DNAH2: variants seen among roughly 807,000 people sequenced by gnomAD.
The protein encoded by DNAH2 is dynein axonemal heavy chain 2, also known as axonemal beta dynein heavy chain 2.
Under a neutral mutation model 523.5 loss-of-function variants are expected in DNAH2, and 323 were observed. The observed-to-expected ratio is 0.62, with a 90% confidence interval of 0.56 to 0.68. DNAH2 has a LOEUF of 0.68. DNAH2 is among the 30% of genes least tolerant of loss of function. The pLI, the probability that DNAH2 is intolerant of heterozygous loss-of-function variation, is 0.00. For synonymous variants in DNAH2, 2,093 were observed against 2,177.4 expected (o/e 0.96, Z 1.08); for missense variants, 4,907 against 5,701.5 (o/e 0.86, Z 4.49).
Position 7,823,622 on chromosome 17 carries a change from C to T in DNAH2, c.11323C>T (p.Leu3775=), listed in dbSNP as rs544531266. The T allele has an allele frequency of 1.2e-6, 2 of 1,613,786 alleles. No individual in the cohort carries two copies. Among genetic ancestry groups the T allele is most frequent in the Middle Eastern group, 1.7e-4 (1 of 6,012 alleles). Residue 3775 remains leucine (L), a synonymous_variant, in exon 74 of 86, where the codon CTG becomes TTG. Coordinates refer to ENST00000572933, the MANE Select transcript of DNAH2 (RefSeq NM_020877.5). The part of the protein sequence containing the change: ...YTNAAPEKAM[L]PGEWENACNE... ...CAATGCTGCCCCGGAGAAGGCGATGCTGCCAGGTACCAGGCGTCTGTGTCC... is the reference window on the plus strand; with the variant it reads ...CAATGCTGCCCCGGAGAAGGCGATGTTGCCAGGTACCAGGCGTCTGTGTCC...
chr17:7,763,783 T>G (rs760510009), intron 18 of DNAH2, 48 bp from the exon 19 acceptor site: 1 of 1,608,692 alleles, frequency 6.2e-7, no homozygotes, highest in South Asian at 1.1e-5. Context: ...ACAGAGGGTA[T>G]GTCTGCAAAG....
In DNAH2 at chr17:7,792,863, G is replaced by A. The variant is rs368437059; in HGVS notation, c.7344+8G>A. On this transcript the variant is annotated splice_region_variant and intron_variant, in intron 47 of 85. Coordinates refer to ENST00000572933, the MANE Select transcript of DNAH2 (RefSeq NM_020877.5). ...GTCAACATGTCCGCACAGGTGTGTC[G>A]GGGATCCAGGGGCCAGGCTGCCGGC... is the stretch of plus-strand genomic sequence containing the variant. 18 of 1,608,134 alleles carry A rather than the reference G, an allele frequency of 1.1e-5. No homozygotes were observed. In the Admixed American group the frequency reaches 1.5e-4, roughly 13 times the overall value.
intron 77 of DNAH2, among the ~76,000 whole-genome samples, chr17:7,826,803 G>C (rs983022874): frequency 6.6e-6 from 1 of 151,876 alleles, no homozygotes; most frequent in Non-Finnish European, 1.5e-5. Context: ...GCCTCCCAAA[G>C]TGCTGGGATT....
chr17:7,759,886 T>G lies in DNAH2; in HGVS notation c.2733T>G (p.Pro911=), dbSNP rs756911936. Residue 911 remains proline, a synonymous_variant, in exon 17 of 86, where the codon CCT becomes CCG. Transcript: ENST00000572933. ...CCATCTCTGTCTTCTGCCACCTCCC[T>G]GACATTCTCACCAAGCGCAAGTTAC... ...FSTISVFCHL[P]DILTKRKLHR... 1 of 1,614,204 alleles carries G rather than the reference T, an allele frequency of 6.2e-7. No homozygotes were observed. Among genetic ancestry groups the G allele is most frequent in the South Asian group, 1.1e-5 (1 of 91,092 alleles).
At chr17:7,817,196 G>T in intron 64 of DNAH2, 94 bp from the exon 65 acceptor site, 2 of 1,486,454 alleles carry the variant, frequency 1.3e-6, no homozygotes, top group East Asian at 4.6e-5. Flanking sequence ...CTTTGAACCT[G>T]ACAGTGTCCA....
At chr17:7,820,998 C>T (rs1455432500) in intron 72 of DNAH2, among the ~76,000 whole-genome samples, 1 of 152,034 alleles carries the variant, frequency 6.6e-6, no homozygotes, top group Non-Finnish European at 1.5e-5. Context: ...GAGATCGTAC[C>T]ATGGTACTCC....
At position 7,797,837 on chromosome 17, in the gene DNAH2, C is replaced by T; in HGVS notation, c.8230+8C>T. ...GAGAGGCTATTGAACACAGTGAGCA[C>T]CTGCCACGCCTATCCCCTTCCCCAT... is the stretch of plus-strand genomic sequence containing the variant. On this transcript the variant is annotated splice_region_variant and intron_variant, in intron 53 of 85. Coordinates refer to ENST00000572933, the MANE Select transcript of DNAH2 (RefSeq NM_020877.5). 6.2e-7 allele frequency: 1 copy of T among 1,603,722 alleles called. No individual in the cohort carries two copies.
At position 7,743,617 on chromosome 17, in the gene DNAH2, GAT is replaced by G. The variant is rs1197452060; in HGVS notation, c.1904+476_1904+477del. 137 of 476,746 alleles carry G rather than the reference GAT, an allele frequency of 2.9e-4. 1 individual carries two copies. The highest frequency in any genetic ancestry group is 9.1e-5 in the Non-Finnish European group (24 of 263,866). 29.5% of individuals were successfully genotyped at this position (476,746 alleles called of 1,614,324 possible). A position where few individuals can be genotyped will look rare whatever the true frequency, so the allele number is the denominator to read the frequency against. ...GGAGGCAGAGGCTGCAGTGAGCTGA[GAT>G]CACACCACTACACTCCAGCCTGGGC... On this transcript the variant is annotated intron_variant, in intron 12 of 85. Coordinates refer to ENST00000572933, the MANE Select transcript of DNAH2 (RefSeq NM_020877.5).
chr17:7,742,874 C>CGTAT, intron 11 of DNAH2, 54 bp from the exon 12 acceptor site: 1 of 1,277,862 alleles, frequency 7.8e-7, no homozygotes. Context: ...GAGATGGTGG[C>CGTAT]CCCTGGAGGA....
intron 66 of DNAH2, 39 bp downstream of exon 66, chr17:7,817,748 T>C (rs372146523): frequency 6.2e-7 from 1 of 1,614,060 alleles, no homozygotes; most frequent in Non-Finnish European, 8.5e-7. Flanking sequence ...TACGGGAGCA[T>C]GGGAGAGAGG....
intron 39 of DNAH2, among the ~76,000 whole-genome samples, chr17:7,781,418 T>A (rs1597638633): frequency 6.6e-6 from 1 of 152,198 alleles, no homozygotes; most frequent in African/African-American, 2.4e-5. Flanking sequence ...ATTGAGGCTA[T>A]AATGAGCTGA....
chr17:7,788,708 A>C (rs1358556862), intron 44 of DNAH2, among the ~76,000 whole-genome samples: 1 of 152,224 alleles, frequency 6.6e-6, no homozygotes, highest in Non-Finnish European at 1.5e-5. Context: ...TTTAGAAGTA[A>C]GGACCAAAAT....
intron 48 of DNAH2, among the ~76,000 whole-genome samples, chr17:7,793,460 T>A (rs192795832): frequency 8.9e-6 from 1 of 112,456 alleles, no homozygotes; most frequent in Admixed American, 9.2e-5. Context: ...TCTTTCTTTC[T>A]TTCTTTCTTT....
chr17:7,797,707 A>G lies in DNAH2; in HGVS notation c.8108A>G (p.Tyr2703Cys), dbSNP rs756506359. 6 of 1,614,024 alleles carry G rather than the reference A, an allele frequency of 3.7e-6. No homozygotes were observed. Among genetic ancestry groups the G allele is most frequent in the Non-Finnish European group, 4.2e-6 (5 of 1,180,040 alleles). ...FGDFLKEPKV[Y>C]EDLTDLTVLK... The stretch of plus-strand genomic sequence containing the variant: ...GATTTCCTGAAGGAGCCCAAGGTGT[A>G]TGAAGACCTCACGGATCTGACAGTG... The change falls in exon 53 of 86, where the codon TAT becomes TGT. Residue 2703 changes from tyrosine (Y) to cysteine (C), a missense_variant. By Grantham distance (194) the Tyr-to-Cys change is radical (BLOSUM62 -2). This residue lies in a region of DNAH2 where 250 missense variants were observed against 371.3 expected (regional missense o/e 0.67). Transcript: ENST00000572933.
intron 36 of DNAH2, 140 bp downstream of exon 36, chr17:7,779,563 G>A: frequency 2.0e-6 from 2 of 990,696 alleles, no homozygotes; most frequent in Non-Finnish European, 2.9e-6. Flanking sequence ...GCAAAGGGGA[G>A]AGAAGGATAA....
intron 77 of DNAH2, among the ~76,000 whole-genome samples, chr17:7,827,117 T>G (rs1426469957): frequency 6.6e-6 from 1 of 152,154 alleles, no homozygotes; most frequent in African/African-American, 2.4e-5. Flanking sequence ...TCATTCATGA[T>G]GTTCTTCGCG....
Position 7,774,995 on chromosome 17 carries a change from A to T in DNAH2, c.4719+19A>T. 1 of 1,611,326 alleles carries T rather than the reference A, an allele frequency of 6.2e-7. No homozygotes were observed. The highest frequency in any genetic ancestry group is 2.2e-5 in the East Asian group (1 of 44,848). ...CCAGAAGGTCAGTAGAAGTGGCCAC[A>T]GTGAGATGCTGGGTGGCGAAGGGAG... On this transcript the variant is annotated intron_variant, in intron 29 of 85. Coordinates refer to ENST00000572933, the MANE Select transcript of DNAH2 (RefSeq NM_020877.5).
rs2076596092 is a variant in DNAH2 at position 7,781,162 on chromosome 17, G to A, written c.6124G>A (p.Gly2042Ser). ...CATTGAGCTGCCTGTCATTGACTAT[G>A]GCAAGGTATTTGTTCCTTAATACTC... Reference protein sequence around the residue: ...PNIELPVIDYGKLRETVEQEI... With the variant: ...PNIELPVIDYSKLRETVEQEI... Residue 2042 changes from glycine to serine, a missense_variant, in exon 39 of 86, where the codon GGC becomes AGC. Transcript: ENST00000572933. 2 of 1,614,178 alleles carry A rather than the reference G, an allele frequency of 1.2e-6. No homozygotes were observed. The highest frequency in any genetic ancestry group is 2.2e-5 in the East Asian group (1 of 44,882).
chr17:7,819,290 T>C lies in DNAH2; in HGVS notation c.10897T>C (p.Phe3633Leu), dbSNP rs749686301. 5.6e-6 allele frequency: 9 copies of C among 1,614,218 alleles called. No homozygotes were observed. ...GGGCTGCATCGACCCCATGTACCAG[T>C]TCTCACTGGATGCCTACATCAGCCT... ...DMGCIDPMYQFSLDAYISLFI... is the reference protein window; with the variant it reads ...DMGCIDPMYQLSLDAYISLFI... Residue 3633 changes from phenylalanine to leucine, a missense_variant, in exon 72 of 86, where the codon TTC becomes CTC. Around this residue, in one of 3 missense-constraint regions of DNAH2, gnomAD observed 1,851 missense variants for 2,139.4 expected, o/e 0.87. Transcript: ENST00000572933.
Sources: gnomAD v4.1 joint callset for allele counts (sites outside exome capture counted in the v4.1 genomes callset) on GRCh38, gnomAD v4.1.1 for gene constraint, gnomAD v4.1.1 regional missense constraint, MANE v1.5 for transcripts, NCBI Gene and HGNC (gene_info 2026-07-23, HGNC 2026-07-21) for gene names.